The following INTS14 variants were observed in gnomAD, a reference collection of about 807,000 sequenced individuals.
The protein encoded by INTS14 is UPF0464 protein C15orf44.
A neutral mutation model predicts 56.9 loss-of-function variants in INTS14; 27 were observed. The observed-to-expected ratio is 0.47, with a 90% confidence interval of 0.35 to 0.65. The LOEUF is 0.65. Ranked by LOEUF, INTS14 falls within the 30% of genes least tolerant of loss-of-function variation. INTS14 has a pLI of 0.00. For missense variants in INTS14, 517 were observed against 632.2 expected (o/e 0.82, Z 1.95); for synonymous variants, 207 against 236.2 (o/e 0.88, Z 1.13).
intron 3 of INTS14, among the ~76,000 whole-genome samples, chr15:65,601,191 T>C (rs1349716877): frequency 6.6e-6 from 1 of 152,220 alleles, no homozygotes; most frequent in Non-Finnish European, 1.5e-5. Context: ...CAACAAAATA[T>C]ACCAACAATG....
chr15:65,591,581 T>A lies in INTS14; in HGVS notation c.1120+17A>T. Reference sequence around the variant, plus strand: ...GAAAACAAAGTCAGGATAAGTAAAATCTGATCTGGATTATACCTGAAATAG... The same window carrying A: ...GAAAACAAAGTCAGGATAAGTAAAAACTGATCTGGATTATACCTGAAATAG... On this transcript the variant is annotated intron_variant, in intron 9 of 11. Coordinates refer to ENST00000313182, the MANE Select transcript of INTS14 (RefSeq NM_001394796.1). The A allele has an allele frequency of 1.2e-6, 2 of 1,609,974 alleles. No individual in the cohort carries two copies. The highest frequency in any genetic ancestry group is 1.7e-6 in the Non-Finnish European group (2 of 1,178,582).
intron 7 of INTS14, among the ~76,000 whole-genome samples, chr15:65,593,878 G>A (rs536570271): frequency 6.6e-6 from 1 of 152,246 alleles, no homozygotes; most frequent in South Asian, 2.1e-4. Context: ...TAGTTAAAGG[G>A]TACAGGGTTT....
chr15:65,609,062 G>T (rs1230921347), intron 1 of INTS14, among the ~76,000 whole-genome samples: 1 of 152,172 alleles, frequency 6.6e-6, no homozygotes, highest in East Asian at 1.9e-4. Flanking sequence ...CAGGACTACA[G>T]GCGCGTGTCA....
intron 10 of INTS14, 40 bp from the exon 11 acceptor site, chr15:65,582,059 G>A: frequency 1.3e-6 from 2 of 1,531,460 alleles, no homozygotes; most frequent in African/African-American, 1.4e-5. Context: ...TTAGAATTCT[G>A]TGGTAAAAAA....
chr15:65,602,156 T>A (rs2073458013), intron 3 of INTS14, among the ~76,000 whole-genome samples: 1 of 152,084 alleles, frequency 6.6e-6, no homozygotes, highest in East Asian at 1.9e-4. Context: ...ATGAGAATCA[T>A]TTGAGCCCGG....
chr15:65,587,575 A>C (rs561457341), intron 9 of INTS14, among the ~76,000 whole-genome samples: 3 of 152,318 alleles, frequency 2.0e-5, no homozygotes. Context: ...TTATAACTAT[A>C]TTGGGAGGAT....
intron 9 of INTS14, among the ~76,000 whole-genome samples, chr15:65,585,316 T>G (rs977001255): frequency 2.0e-5 from 3 of 152,188 alleles, no homozygotes; most frequent in African/African-American, 7.2e-5. Flanking sequence ...AGCTACTAAC[T>G]ACTAAGCACT....
rs751387170 is a variant in INTS14, at chr15:65,579,377, GAAA to G, written c.*28_*30del. 5 of 1,596,942 alleles carry G rather than the reference GAAA, an allele frequency of 3.1e-6. No homozygotes were observed. In the Admixed American group the frequency reaches 8.5e-5, roughly 27 times the overall value. On this transcript the variant is annotated 3_prime_UTR_variant, in exon 12 of 12. Coordinates refer to ENST00000313182, the MANE Select transcript of INTS14 (RefSeq NM_001394796.1). ...TACCTAAAGCATTTTCAGTTGAAAT[GAAA>G]AAAGAAGGAAAGCTCCAAAAGTCAG...
intron 8 of INTS14, among the ~76,000 whole-genome samples, chr15:65,592,025 T>C (rs1168947964): frequency 2.6e-5 from 4 of 152,014 alleles, no homozygotes; most frequent in African/African-American, 9.7e-5. Context: ...GCTGGAGAGG[T>C]GATGAGGAGG....
intron 9 of INTS14, among the ~76,000 whole-genome samples, chr15:65,589,698 A>G (rs35806739): frequency 0.21 from 31,896 of 151,336 alleles, 4,359 homozygotes; most frequent in East Asian, 0.74. Context: ...CTATGAGCTC[A>G]TTTTTTTTCA....
chr15:65,582,023 T>C lies in INTS14; in HGVS notation c.1240-4A>G. ...TTAAAATCTTCTGTACATCTGTCTATTAAGGGTAAAAAAAAAAATCCAACA... is the reference window on the plus strand; with the variant it reads ...TTAAAATCTTCTGTACATCTGTCTACTAAGGGTAAAAAAAAAAATCCAACA... On this transcript the variant is annotated splice_region_variant and splice_polypyrimidine_tract_variant and intron_variant, in intron 10 of 11. Coordinates refer to ENST00000313182, the MANE Select transcript of INTS14 (RefSeq NM_001394796.1). The C allele has an allele frequency of 6.3e-7, 1 of 1,580,574 alleles. No individual in the cohort carries two copies.
In INTS14 at chr15:65,604,152, G is replaced by A. The variant is rs150883904; in HGVS notation, c.330+977C>T. Among the ~76,000 whole-genome samples, 207 of 152,192 alleles carry A rather than the reference G, an allele frequency of 1.4e-3. 1 individual carries two copies. The highest frequency in any genetic ancestry group is 4.6e-3 in the African/African-American group (193 of 41,528). ...GGCTGGAGTGCAGTGGCGCAATCTC[G>A]GCTGACTGCAACCTCTGCCTCCCAC... is the stretch of plus-strand genomic sequence containing the variant. On this transcript the variant is annotated intron_variant, in intron 3 of 11. Coordinates refer to ENST00000313182, the MANE Select transcript of INTS14 (RefSeq NM_001394796.1).
chr15:65,595,932 T>C, intron 6 of INTS14, 107 bp from the exon 7 acceptor site: 5 of 776,582 alleles, frequency 6.4e-6, no homozygotes. Context: ...GTTTCAAATA[T>C]GATGACTGGG....
In INTS14 at chr15:65,598,884, T is replaced by A; in HGVS notation, c.593A>T (p.Gln198Leu). 6.2e-7 allele frequency: 1 copy of A among 1,613,228 alleles called. No homozygotes were observed. The highest frequency in any genetic ancestry group is 8.5e-7 in the Non-Finnish European group (1 of 1,179,346). ...AGCATATACTCACCCAAACATAGAC[T>A]GTACATTCTTCAAGCACAGGGGGCC... Reference protein sequence around the residue: ...IDGPLCLKNVQSMFGKLIDLA... With the variant: ...IDGPLCLKNVLSMFGKLIDLA... Residue 198 changes from glutamine (Q) to leucine (L), a missense_variant, in exon 5 of 12, where the codon CAG (glutamine) becomes CTG (leucine). Gln to Leu is a moderately radical substitution (Grantham distance 113). Coordinates refer to ENST00000313182, the MANE Select transcript of INTS14 (RefSeq NM_001394796.1).
intron 4 of INTS14, 189 bp downstream of exon 4, chr15:65,599,585 G>A: frequency 1.7e-6 from 1 of 588,770 alleles, no homozygotes; most frequent in South Asian, 3.0e-5. Context: ...CCCCAGATGA[G>A]GCAACACTCT....
At chr15:65,598,116 G>A (rs2073279986) in intron 6 of INTS14, among the ~76,000 whole-genome samples, 1 of 152,118 alleles carries the variant, frequency 6.6e-6, no homozygotes, top group Admixed American at 6.5e-5. Flanking sequence ...CAATCACTAA[G>A]TAAAATGCAA....
At chr15:65,591,551 A>G (rs2073030043) in intron 9 of INTS14, 47 bp downstream of exon 9, 1 of 1,598,430 alleles carries the variant, frequency 6.3e-7, no homozygotes, top group African/African-American at 1.3e-5. Flanking sequence ...TGAGAACAGC[A>G]GAATGAAAAC....
intron 6 of INTS14, 44 bp from the exon 7 acceptor site, chr15:65,595,869 A>G: frequency 2.0e-6 from 3 of 1,466,802 alleles, no homozygotes; most frequent in Non-Finnish European, 2.8e-6. Context: ...TTCTATGGAA[A>G]AGTACATTAT....
intron 3 of INTS14, among the ~76,000 whole-genome samples, chr15:65,601,213 C>A (rs1436579447): frequency 6.6e-6 from 1 of 152,194 alleles, no homozygotes; most frequent in East Asian, 1.9e-4. Flanking sequence ...ATAGTAATTG[C>A]AAAATCATTT....
Sources: gnomAD v4.1 joint callset for allele counts (sites outside exome capture counted in the v4.1 genomes callset) on GRCh38, gnomAD v4.1.1 for gene constraint, MANE v1.5 for transcripts, NCBI Gene and HGNC (gene_info 2026-07-23, HGNC 2026-07-21) for gene names.